The following SMTNL1 variants were observed in gnomAD, a reference collection of about 807,000 sequenced individuals.
The protein encoded by SMTNL1 is smoothelin-like protein 1.
A neutral mutation model predicts 46.6 loss-of-function variants in SMTNL1; 41 were observed. The ratio of observed to expected loss-of-function variants is 0.88; its 90% confidence interval spans 0.69 to 1.14. SMTNL1 has a LOEUF of 1.14. Ranked by LOEUF, SMTNL1 falls within the 50% of genes most tolerant of loss-of-function variation. The pLI is 0.00. For synonymous variants in SMTNL1, 234 were observed against 234.2 expected (o/e 1.00, Z 0.01); for missense variants, 591 against 626.1 (o/e 0.94, Z 0.60).
At chr11:57,544,136 C>T (rs1311489732) in intron 4 of SMTNL1, among the ~76,000 whole-genome samples, 1 of 152,208 alleles carries the variant, frequency 6.6e-6, no homozygotes, top group Non-Finnish European at 1.5e-5. Flanking sequence ...TCCCGGCACT[C>T]TTGGAGGCTG....
intron 7 of SMTNL1, 141 bp downstream of exon 7, chr11:57,546,793 C>T: frequency 8.8e-7 from 1 of 1,131,070 alleles, no homozygotes; most frequent in Non-Finnish European, 1.3e-6. Flanking sequence ...GAGGGCCAGG[C>T]ACTGTTTCAG....
At chr11:57,538,882 G>A (rs939533689) in intron 1 of SMTNL1, among the ~76,000 whole-genome samples, 10 of 152,160 alleles carry the variant, frequency 6.6e-5, no homozygotes, top group African/African-American at 2.2e-4. Flanking sequence ...GGGTGGTGGC[G>A]TCCTGGTTTC....
intron 4 of SMTNL1, 96 bp from the exon 5 acceptor site, chr11:57,545,785 G>A: frequency 1.7e-6 from 2 of 1,210,574 alleles, no homozygotes; most frequent in Non-Finnish European, 1.2e-6. Flanking sequence ...CCCTTAGACT[G>A]CAGTGCCACC....
intron 4 of SMTNL1, 60 bp downstream of exon 4, chr11:57,543,980 T>C: frequency 6.6e-7 from 1 of 1,510,460 alleles, no homozygotes; most frequent in Non-Finnish European, 9.0e-7. Flanking sequence ...TCCCTCAGCG[T>C]CCACCATCAA....
intron 1 of SMTNL1, among the ~76,000 whole-genome samples, chr11:57,540,372 TATAGGCATGAGCCAC>T (rs1944863239): frequency 6.6e-6 from 1 of 152,128 alleles, no homozygotes; most frequent in Non-Finnish European, 1.5e-5. Context: ...ATGCTAAGAT[TATAGGCATGAGCCAC>T]TGCGCCTGGC....
chr11:57,544,911 A>G lies in SMTNL1; in HGVS notation c.918-970A>G, dbSNP rs1320826541. On this transcript the variant is annotated intron_variant, in intron 4 of 7. Coordinates refer to ENST00000527972, the MANE Select transcript of SMTNL1 (RefSeq NM_001105565.3). Reference sequence around the variant, plus strand: ...GAGTGCAATAGTGCGATCTCAGGTCACTGCAACCTCTGCCTCCCGGGTTCA... The same window carrying G: ...GAGTGCAATAGTGCGATCTCAGGTCGCTGCAACCTCTGCCTCCCGGGTTCA... 3.4e-5 allele frequency among the ~76,000 whole-genome samples: 5 copies of G among 148,050 alleles called. No homozygotes were observed. The East Asian group carries it at 9.9e-4, about 29-fold the overall frequency.
intron 7 of SMTNL1, among the ~76,000 whole-genome samples, chr11:57,547,509 C>A (rs1944930908): frequency 6.6e-6 from 1 of 152,224 alleles, no homozygotes; most frequent in African/African-American, 2.4e-5. Flanking sequence ...TCTCTAGAGG[C>A]CCCACATCAC....
At chr11:57,549,860 C>A in intron 7 of SMTNL1, 108 bp from the exon 8 acceptor site, 1 of 1,195,040 alleles carries the variant, frequency 8.4e-7, no homozygotes, top group East Asian at 2.4e-5. Flanking sequence ...CCCAACATCC[C>A]AGCCCATCCT....
At chr11:57,547,149 AT>A (rs1489716155) in intron 7 of SMTNL1, among the ~76,000 whole-genome samples, 4 of 152,126 alleles carry the variant, frequency 2.6e-5, no homozygotes, top group Non-Finnish European at 5.9e-5. Context: ...AAAAATTACA[AT>A]TTTAAAAAAT....
At chr11:57,548,703 A>T (rs1240254819) in intron 7 of SMTNL1, among the ~76,000 whole-genome samples, 3 of 152,178 alleles carry the variant, frequency 2.0e-5, no homozygotes, top group Middle Eastern at 6.8e-3. Context: ...AAAAATATAT[A>T]AAAAATACCA....
At chr11:57,540,997 C>A (rs140114373) in intron 1 of SMTNL1, among the ~76,000 whole-genome samples, 336 of 152,340 alleles carry the variant, frequency 2.2e-3, no homozygotes, top group African/African-American at 7.8e-3. Flanking sequence ...GTGTGATCCA[C>A]CATGCCCGGC....
chr11:57,546,452 C>T (rs747649581), intron 6 of SMTNL1, 49 bp from the exon 7 acceptor site: 4 of 1,609,988 alleles, frequency 2.5e-6, no homozygotes, highest in African/African-American at 1.3e-5. Context: ...AAGTCCAGGC[C>T]ATCTGGCTGA....
At chr11:57,546,191 C>T (rs1385756629) in intron 5 of SMTNL1, 42 bp from the exon 6 acceptor site, 1 of 1,543,226 alleles carries the variant, frequency 6.5e-7, no homozygotes, top group African/African-American at 1.4e-5. Flanking sequence ...TTCATGGCCT[C>T]CTGCCTCTCT....
Position 57,546,602 on chromosome 11 carries a change from G to A in SMTNL1, c.1290G>A (p.Leu430=), listed in dbSNP as rs1299648066. ...FFPDAFDYAE[L]DPAKRRHNFT... ...CTGACGCCTTTGACTACGCAGAGCT[G>A]GATCCCGCAAAGCGCCGGCACAACT... The change falls in exon 7 of 8, where the codon CTG becomes CTA. Residue 430 remains leucine (L), a synonymous_variant. Coordinates refer to ENST00000527972, the MANE Select transcript of SMTNL1 (RefSeq NM_001105565.3). The A allele has an allele frequency of 6.2e-7, 1 of 1,614,052 alleles. No homozygotes were observed. The highest frequency in any genetic ancestry group is 8.5e-7 in the Non-Finnish European group (1 of 1,179,926).
intron 1 of SMTNL1, among the ~76,000 whole-genome samples, 139 bp downstream of exon 1, chr11:57,537,781 A>G (rs1944840204): frequency 6.6e-6 from 1 of 152,184 alleles, no homozygotes; most frequent in African/African-American, 2.4e-5. Flanking sequence ...TCTCCACCAC[A>G]ATGTCTACTC....
intron 7 of SMTNL1, 32 bp from the exon 8 acceptor site, chr11:57,549,936 C>T: frequency 1.2e-6 from 2 of 1,611,534 alleles, no homozygotes; most frequent in African/African-American, 1.3e-5. Context: ...TCACCTTTGA[C>T]CTTCTGCTCC....
At position 57,546,595 on chromosome 11, in the gene SMTNL1, C is replaced by G. The variant is rs747375658; in HGVS notation, c.1283C>G (p.Ala428Gly). 1 of 1,614,072 alleles carries G rather than the reference C, an allele frequency of 6.2e-7. No individual in the cohort carries two copies. The highest frequency in any genetic ancestry group is 8.5e-7 in the Non-Finnish European group (1 of 1,179,932). The change falls in exon 7 of 8, where the codon GCA (alanine) becomes GGA (glycine). Residue 428 changes from alanine to glycine, a missense_variant. Ala to Gly is a moderately conservative substitution (Grantham distance 60). Transcript: ENST00000527972. ...TTCTTCCCTGACGCCTTTGACTACG[C>G]AGAGCTGGATCCCGCAAAGCGCCGG... Reference protein sequence around the residue: ...HKFFPDAFDYAELDPAKRRHN... With the variant: ...HKFFPDAFDYGELDPAKRRHN...
In SMTNL1 at chr11:57,543,235, C is replaced by A. The variant is rs773990336; in HGVS notation, c.593C>A (p.Ala198Asp). The A allele has an allele frequency of 1.2e-6, 2 of 1,613,744 alleles. No homozygotes were observed. The highest frequency in any genetic ancestry group is 1.7e-6 in the Non-Finnish European group (2 of 1,179,838). The change falls in exon 2 of 8, where the codon GCC (alanine) becomes GAC (aspartate). Residue 198 changes from alanine (A) to aspartate (D), a missense_variant. By Grantham distance (126) the Ala-to-Asp change is moderately radical. Transcript: ENST00000527972. ...AAGGAGAAGGCTACTGATGAAGAGG[C>A]CAAGGCTGAATCGCAGAAGGCTGTT... ...EPKEKATDEE[A>D]KAESQKAVVE...
At position 57,548,487 on chromosome 11, in the gene SMTNL1, T is replaced by C. The variant is rs552428023; in HGVS notation, c.1341-1481T>C. Among the ~76,000 whole-genome samples the C allele has an allele frequency of 1.1e-3, 171 of 152,206 alleles. No individual in the cohort carries two copies. In the South Asian group the frequency reaches 0.014, roughly 12 times the overall value. ...GAGTTCAAGATCAGCCTGGCCAACA[T>C]GGTGAAACCTTGTCTCTACTAAAAA... On this transcript the variant is annotated intron_variant, in intron 7 of 7. Coordinates refer to ENST00000527972, the MANE Select transcript of SMTNL1 (RefSeq NM_001105565.3).
Sources: gnomAD v4.1 joint callset for allele counts (sites outside exome capture counted in the v4.1 genomes callset) on GRCh38, gnomAD v4.1.1 for gene constraint, MANE v1.5 for transcripts, NCBI Gene and HGNC (gene_info 2026-07-23, HGNC 2026-07-21) for gene names.